The following DNAH11 variants were observed in gnomAD, a reference collection of about 807,000 sequenced individuals.
The protein encoded by DNAH11 is dynein axonemal heavy chain 11.
In DNAH11, 442 loss-of-function variants were observed where a neutral mutation model predicts 526.0. The observed-to-expected ratio is 0.84, with a 90% CI of 0.78 to 0.91. The LOEUF is 0.91. Ranked by LOEUF, DNAH11 falls within the 40% of genes least tolerant of loss-of-function variation. The probability of loss-of-function intolerance (pLI) is 0.00; values close to 1 mark genes in which losing one functional copy is unlikely to be tolerated. For synonymous variants in DNAH11, 2,461 were observed against 1,935.9 expected, an observed-to-expected ratio of 1.27 and a Z score of -7.12; for missense variants, 6,989 against 5,448.7, an observed-to-expected ratio of 1.28 and a Z score of -8.90.
intron 39 of DNAH11, 83 bp from the exon 40 acceptor site, chr7:21,707,616 C>G (rs72657347): frequency 6.7e-7 from 1 of 1,491,072 alleles, no homozygotes; most frequent in Non-Finnish European, 9.0e-7. Flanking sequence ...ATAATGAATA[C>G]GGAAAACTCT....
At chr7:21,894,351 A>C (rs1784432190) in intron 77 of DNAH11, among the ~76,000 whole-genome samples, 1 of 152,244 alleles carries the variant, frequency 6.6e-6, no homozygotes, top group South Asian at 2.1e-4. Flanking sequence ...AGTAAACTGC[A>C]AACAACTGTA....
rs745338063 is a variant in DNAH11 at position 21,901,392 on chromosome 7, G to A, written c.*138G>A. ...TTCTTTTTTCAACGCTATCCTTAGA[G>A]TGAAAGTCAGAAAAAAATACTAGAA... is the stretch of plus-strand genomic sequence containing the variant. On this transcript the variant is annotated 3_prime_UTR_variant, in exon 82 of 82. Coordinates refer to ENST00000409508, the MANE Select transcript of DNAH11 (RefSeq NM_001277115.2). The A allele has an allele frequency of 2.0e-5, 24 of 1,229,442 alleles. No homozygotes were observed. The highest frequency in any genetic ancestry group is 2.5e-5 in the Non-Finnish European group (24 of 950,520). 76.2% of individuals were successfully genotyped at this position (1,229,442 alleles called of 1,614,324 possible). A position where few individuals can be genotyped will look rare whatever the true frequency, so the allele number is the denominator to read the frequency against.
chr7:21,633,263 G>A (rs758519283), intron 25 of DNAH11, among the ~76,000 whole-genome samples: 2 of 152,296 alleles, frequency 1.3e-5, no homozygotes, highest in Non-Finnish European at 1.5e-5. Flanking sequence ...TGTTTCATTT[G>A]CACTTGAGAA....
chr7:21,722,944 T>C (rs915747318), intron 44 of DNAH11, among the ~76,000 whole-genome samples: 2 of 152,166 alleles, frequency 1.3e-5, no homozygotes, highest in Non-Finnish European at 2.9e-5. Context: ...CCTCTTTTAA[T>C]CTTTCCAGTT....
chr7:21,567,759 A>T (rs561003138), intron 6 of DNAH11, among the ~76,000 whole-genome samples: 33 of 152,328 alleles, frequency 2.2e-4, no homozygotes, highest in South Asian at 8.3e-4. Flanking sequence ...AAGCAAATGT[A>T]TTTCTTTTCT....
At chr7:21,764,421 C>T (rs1438579529) in intron 54 of DNAH11, among the ~76,000 whole-genome samples, 2 of 152,072 alleles carry the variant, frequency 1.3e-5, no homozygotes, top group African/African-American at 4.8e-5. Context: ...TTAGAGGCAG[C>T]CACAAAGCTT....
chr7:21,572,521 AGC>A (rs1378808191), intron 8 of DNAH11, among the ~76,000 whole-genome samples: 1 of 152,194 alleles, frequency 6.6e-6, no homozygotes, highest in East Asian at 1.9e-4. Context: ...GTAGCCAGGG[AGC>A]TACCTGTGAG....
intron 62 of DNAH11, among the ~76,000 whole-genome samples, chr7:21,805,808 A>G (rs2127995514): frequency 6.6e-6 from 1 of 152,360 alleles, no homozygotes; most frequent in Admixed American, 6.5e-5. Context: ...ATATTTTTAA[A>G]GGATTAATTG....
chr7:21,591,497 T>C lies in DNAH11; in HGVS notation c.2587T>C (p.Leu863=). 1 of 1,612,182 alleles carries C rather than the reference T, an allele frequency of 6.2e-7. No individual in the cohort carries two copies. ...REHRREAAFT[L]EDKGDLFTKK... is the part of the protein sequence containing the mutation. ...GCACAGACGAGAGGCAGCCTTCACC[T>C]TGGAGGACAAGGGTGATTTGTTTAC... is the stretch of plus-strand genomic sequence containing the variant. The change falls in exon 14 of 82, where the codon TTG becomes CTG. Residue 863 remains leucine (L), a synonymous_variant. Transcript: ENST00000409508.
At chr7:21,693,086 A>G (rs1226885847) in intron 35 of DNAH11, among the ~76,000 whole-genome samples, 1 of 152,190 alleles carries the variant, frequency 6.6e-6, no homozygotes, top group Non-Finnish European at 1.5e-5. Context: ...CAAAGATAGA[A>G]GTTTTAAATG....
intron 74 of DNAH11, among the ~76,000 whole-genome samples, chr7:21,879,184 T>C (rs1783822927): frequency 6.6e-6 from 1 of 151,898 alleles, no homozygotes; most frequent in Non-Finnish European, 1.5e-5. Flanking sequence ...CTGGGCACAG[T>C]GACTTGTGAC....
chr7:21,566,138 A>G (rs1783656961), intron 6 of DNAH11, among the ~76,000 whole-genome samples: 1 of 152,196 alleles, frequency 6.6e-6, no homozygotes, highest in African/African-American at 2.4e-5. Context: ...TTAACGTATG[A>G]ATCACAGAGG....
At chr7:21,691,011 C>T (rs746067569) in intron 35 of DNAH11, 130 bp downstream of exon 35, 17 of 662,898 alleles carry the variant, frequency 2.6e-5, no homozygotes, top group Non-Finnish European at 3.9e-5. Flanking sequence ...TCCTTGGGCT[C>T]CTTTTATAGA....
chr7:21,743,585 A>G (rs554262228), intron 49 of DNAH11, among the ~76,000 whole-genome samples: 1 of 152,334 alleles, frequency 6.6e-6, no homozygotes, highest in East Asian at 1.9e-4. Context: ...ATCACTCCAC[A>G]ACTGCCTCAA....
At chr7:21,607,223 A>T (rs1202562720) in intron 20 of DNAH11, among the ~76,000 whole-genome samples, 1 of 152,184 alleles carries the variant, frequency 6.6e-6, no homozygotes, top group East Asian at 1.9e-4. Context: ...GACAAGAAGC[A>T]TCTAGCACGG....
intron 35 of DNAH11, among the ~76,000 whole-genome samples, chr7:21,694,495 C>T (rs971304213): frequency 2.0e-5 from 3 of 152,138 alleles, no homozygotes; most frequent in African/African-American, 4.8e-5. Context: ...TGATGGTTTC[C>T]AGCTTCATCC....
intron 58 of DNAH11, 24 bp downstream of exon 58, chr7:21,784,564 G>T: frequency 6.5e-7 from 1 of 1,526,744 alleles, no homozygotes. Flanking sequence ...ATTGGTCCCT[G>T]AGTTTCCTCA....
chr7:21,688,839 A>C lies in DNAH11; in HGVS notation c.5924+1312A>C, dbSNP rs573275011. Among the ~76,000 whole-genome samples the C allele has an allele frequency of 4.6e-5, 7 of 152,358 alleles. No individual in the cohort carries two copies. In the South Asian group the frequency reaches 1.4e-3, roughly 32 times the overall value. ...GATGGCTTAATTTGAGAAATAAATTAGTATAGTATGCAGCACAATTCTGGT... is the reference window on the plus strand; with the variant it reads ...GATGGCTTAATTTGAGAAATAAATTCGTATAGTATGCAGCACAATTCTGGT... On this transcript the variant is annotated intron_variant, in intron 34 of 81. Coordinates refer to ENST00000409508, the MANE Select transcript of DNAH11 (RefSeq NM_001277115.2).
chr7:21,901,334 ATTATTCTAACTTT>A lies in DNAH11; in HGVS notation c.*84_*96del. 7.1e-7 allele frequency: 1 copy of A among 1,414,400 alleles called. No homozygotes were observed. The highest frequency in any genetic ancestry group is 9.3e-7 in the Non-Finnish European group (1 of 1,073,800). The allele number at this position is 1,414,400 out of a possible 1,614,324, so 87.6% of individuals were successfully genotyped here. Reference sequence around the variant, plus strand: ...ATGTTGCTGCACTGTTCCCATGCACATTATTCTAACTTTTTAGTAACTCACACGTGCATTCTTT... The same window carrying A: ...ATGTTGCTGCACTGTTCCCATGCACATTAGTAACTCACACGTGCATTCTTT... On this transcript the variant is annotated 3_prime_UTR_variant, in exon 82 of 82. Coordinates refer to ENST00000409508, the MANE Select transcript of DNAH11 (RefSeq NM_001277115.2).
Sources: gnomAD v4.1 joint callset for allele counts (sites outside exome capture counted in the v4.1 genomes callset) on GRCh38, gnomAD v4.1.1 for gene constraint, MANE v1.5 for transcripts, NCBI Gene and HGNC (gene_info 2026-07-23, HGNC 2026-07-21) for gene names.